BRWD1: variants seen among roughly 807,000 people sequenced by gnomAD.
BRWD1 encodes bromodomain and WD repeat domain containing 1.
A neutral mutation model predicts 251.2 loss-of-function variants in BRWD1; 82 were observed. The ratio of observed to expected loss-of-function variants is 0.33; its 90% confidence interval spans 0.27 to 0.39. The LOEUF (loss-of-function observed/expected upper bound fraction) is 0.39. Ranked by LOEUF, BRWD1 falls within the 10% of genes least tolerant of loss-of-function variation. The pLI is 1.00. For synonymous variants in BRWD1, 918 were observed against 902.8 expected (o/e 1.02, Z -0.30); for missense variants, 2,233 against 2,711.6 (o/e 0.82, Z 3.92).
At chr21:39,264,031 T>C (rs1296600432) in intron 17 of BRWD1, among the ~76,000 whole-genome samples, 1 of 152,106 alleles carries the variant, frequency 6.6e-6, no homozygotes, top group Non-Finnish European at 1.5e-5. Flanking sequence ...ATCATGAAAG[T>C]CAAAAACTGA....
intron 31 of BRWD1, among the ~76,000 whole-genome samples, chr21:39,215,687 T>C (rs1381763777): frequency 1.3e-5 from 2 of 152,068 alleles, no homozygotes; most frequent in Non-Finnish European, 2.9e-5. Flanking sequence ...GAAAATATGT[T>C]AAATATCATC....
At chr21:39,316,281 C>T (rs2036697751), upstream of BRWD1, among the ~76,000 whole-genome samples, 1 of 152,138 alleles carries the variant, frequency 6.6e-6, no homozygotes, top group South Asian at 2.1e-4. Flanking sequence ...ACAAAAATCT[C>T]GTTTGGGGCT....
rs866274892 is a variant in BRWD1 at position 39,226,666 on chromosome 21, A to T, written c.3209-1469T>A. Among the ~76,000 whole-genome samples the T allele has an allele frequency of 5.4e-4, 83 of 152,308 alleles. No homozygotes were observed. The Middle Eastern group carries it at 0.024, about 44-fold the overall frequency. ...GTGGCTGTATGTTTTTCTTCAAGAA[A>T]AATTTTCTCTGCATCTACTCCCAAA... On this transcript the variant is annotated intron_variant, in intron 27 of 40. Coordinates refer to ENST00000342449, the MANE Select transcript of BRWD1 (RefSeq NM_033656.4).
chr21:39,226,512 A>C (rs1181939086), intron 27 of BRWD1, among the ~76,000 whole-genome samples: 1 of 152,214 alleles, frequency 6.6e-6, no homozygotes, highest in Non-Finnish European at 1.5e-5. Context: ...AAAAAAATTA[A>C]TGGACATGTT....
At chr21:39,288,780 G>C (rs1457636353) in intron 8 of BRWD1, among the ~76,000 whole-genome samples, 1 of 152,194 alleles carries the variant, frequency 6.6e-6, no homozygotes, top group East Asian at 1.9e-4. Flanking sequence ...TTAAGTAGAA[G>C]TGATCATCTT....
At chr21:39,291,013 C>T (rs189090121) in intron 8 of BRWD1, among the ~76,000 whole-genome samples, 5 of 152,182 alleles carry the variant, frequency 3.3e-5, no homozygotes, top group Admixed American at 6.6e-5. Context: ...ACCTGTGGCC[C>T]TAGCTACTCG....
chr21:39,220,317 G>T (rs745318180), intron 29 of BRWD1, among the ~76,000 whole-genome samples: 6 of 152,198 alleles, frequency 3.9e-5, no homozygotes, highest in African/African-American at 7.2e-5. Flanking sequence ...CAGCACCCAC[G>T]CCTGTTCCCT....
At chr21:39,266,623 C>A (rs988358418) in intron 15 of BRWD1, among the ~76,000 whole-genome samples, 1 of 152,230 alleles carries the variant, frequency 6.6e-6, no homozygotes, top group African/African-American at 2.4e-5. Flanking sequence ...CCTATCTAAG[C>A]AGAGCAAGGA....
intron 25 of BRWD1, among the ~76,000 whole-genome samples, chr21:39,231,179 A>T (rs925977544): frequency 2.0e-5 from 3 of 152,222 alleles, no homozygotes; most frequent in African/African-American, 7.2e-5. Context: ...CAAAATCTGT[A>T]GAATAAAAAT....
chr21:39,261,747 A>C (rs920056589), intron 17 of BRWD1, among the ~76,000 whole-genome samples: 39 of 152,096 alleles, frequency 2.6e-4, no homozygotes, highest in African/African-American at 6.0e-4. Flanking sequence ...ATGGAACACA[A>C]AAAAAAATCA....
chr21:39,233,278 C>CA (rs747985592), intron 23 of BRWD1, among the ~76,000 whole-genome samples: 1 of 152,140 alleles, frequency 6.6e-6, no homozygotes, highest in Non-Finnish European at 1.5e-5. Flanking sequence ...CCTCATGAGC[C>CA]AAAATCACCC....
intron 8 of BRWD1, among the ~76,000 whole-genome samples, chr21:39,284,109 T>C (rs1446516948): frequency 6.6e-6 from 1 of 152,214 alleles, no homozygotes; most frequent in Non-Finnish European, 1.5e-5. Flanking sequence ...CACTCTTTAA[T>C]ATATGCTGAT....
chr21:39,298,335 A>G (rs2036013941), intron 5 of BRWD1, 97 bp downstream of exon 5: 1 of 1,399,340 alleles, frequency 7.1e-7, no homozygotes. Context: ...TTATAGTTAC[A>G]TTATCACCTT....
chr21:39,188,780 A>G lies in BRWD1; in HGVS notation c.*7479T>C. The G allele has an allele frequency of 1.0e-6, 1 of 985,366 alleles. No individual in the cohort carries two copies. Among genetic ancestry groups the G allele is most frequent in the Middle Eastern group, 5.2e-4 (1 of 1,914 alleles). 61.0% of individuals were successfully genotyped at this position (985,366 alleles called of 1,614,324 possible). On this transcript the variant is annotated 3_prime_UTR_variant, in exon 41 of 41. Transcript: ENST00000342449. ...GAAATACTTTATTCAAAGCAACCCC[A>G]CCACATACACATCAGTTCCTTTTGC...
chr21:39,211,070 T>A (rs2032635978), intron 34 of BRWD1, 141 bp from the exon 35 acceptor site: 1 of 825,660 alleles, frequency 1.2e-6, no homozygotes, highest in African/African-American at 1.8e-5. Context: ...AGAAATGAAA[T>A]TTTTAAACTA....
At chr21:39,262,095 G>T (rs868246587) in intron 17 of BRWD1, among the ~76,000 whole-genome samples, 1 of 152,114 alleles carries the variant, frequency 6.6e-6, no homozygotes, top group Non-Finnish European at 1.5e-5. Context: ...CATGAGAAAA[G>T]AATTATTTCA....
At chr21:39,271,722 T>C (rs1406494016) in intron 13 of BRWD1, among the ~76,000 whole-genome samples, 1 of 114,598 alleles carries the variant, frequency 8.7e-6, no homozygotes, top group Non-Finnish European at 1.8e-5. Flanking sequence ...AAAAAAAAGA[T>C]ATTACAAGCA....
Position 39,200,251 on chromosome 21 carries a change from A to G in BRWD1, c.4721T>C (p.Val1574Ala). 1.9e-6 allele frequency: 3 copies of G among 1,613,728 alleles called. No homozygotes were observed. The highest frequency in any genetic ancestry group is 2.5e-6 in the Non-Finnish European group (3 of 1,179,906). ...SGLSRSSNLR[V>A]TRTRAAQRKT... ...TCTTTGAGCAGCTCTAGTTCTGGTT[A>G]CCCTGAGATTGCTGCTTCTGGATAG... The change falls in exon 39 of 41, where the codon GTA becomes GCA. Residue 1574 changes from valine to alanine, a missense_variant. By Grantham distance (64) the Val-to-Ala change is moderately conservative. Transcript: ENST00000342449.
chr21:39,187,869 C>G lies in BRWD1; in HGVS notation c.*8390G>C. 1.0e-6 allele frequency: 1 copy of G among 982,882 alleles called. No individual in the cohort carries two copies. The highest frequency in any genetic ancestry group is 1.2e-6 in the Non-Finnish European group (1 of 827,636). The allele number at this position is 982,882 out of a possible 1,614,324, so 60.9% of individuals were successfully genotyped here. A position where few individuals can be genotyped will look rare whatever the true frequency, so the allele number is the denominator to read the frequency against. On this transcript the variant is annotated 3_prime_UTR_variant, in exon 41 of 41. Transcript: ENST00000342449. ...GTGCAGAGTGCTATGAGAACACAGA[C>G]TGGAAACCTAACCTAGCCTAAGGGA...
Sources: allele counts gnomAD v4.1 joint callset (sites outside exome capture counted in the v4.1 genomes callset), GRCh38; gene constraint gnomAD v4.1.1; transcripts MANE v1.5; gene names NCBI Gene and HGNC (gene_info 2026-07-23, HGNC 2026-07-21).